Variants in TBC1D4 observed in about 807,000 individuals in gnomAD.
TBC1D4 encodes the protein TBC (Tre-2, BUB2, CDC16) domain-containing protein.
A neutral mutation model predicts 142.5 loss-of-function variants in TBC1D4; 121 were observed. The ratio of observed to expected loss-of-function variants is 0.85; its 90% confidence interval spans 0.73 to 0.99. The LOEUF is 0.99. Ranked by LOEUF, TBC1D4 falls within the 50% of genes least tolerant of loss-of-function variation. The probability of loss-of-function intolerance (pLI) is 0.00; values close to 1 mark genes in which losing one functional copy is unlikely to be tolerated. For missense variants in TBC1D4, 1,475 were observed against 1,606.6 expected, an observed-to-expected ratio of 0.92 and a Z score of 1.40; for synonymous variants, 630 against 628.2, an observed-to-expected ratio of 1.00 and a Z score of -0.04.
At chr13:75,452,551 A>G (rs1348043678) in intron 1 of TBC1D4, among the ~76,000 whole-genome samples, 1 of 152,228 alleles carries the variant, frequency 6.6e-6, no homozygotes, top group African/African-American at 2.4e-5. Flanking sequence ...TGTTTTATAG[A>G]AAATTTATTT....
chr13:75,362,116 G>A lies in TBC1D4; in HGVS notation c.990C>T (p.Ser330=). 1 of 1,613,908 alleles carries A rather than the reference G, an allele frequency of 6.2e-7. No homozygotes were observed. The highest frequency in any genetic ancestry group is 8.5e-7 in the Non-Finnish European group (1 of 1,180,020). ...GTCTCCGTCGCGGCTGGGATTTCTG[G>A]CTGCCCTCGTGAACTCTCCGTTGCA... The part of the protein sequence containing the change: ...TGVQRRVHEG[S]QKSQPRRRHA... Residue 330 remains serine (S), a synonymous_variant, in exon 2 of 21, where the codon AGC becomes AGT. Transcript: ENST00000377636. The surrounding 1 kb of genome is among the most constrained non-coding windows in gnomAD (Gnocchi z 4.2).
chr13:75,464,117 C>G (rs1337912751), intron 1 of TBC1D4, among the ~76,000 whole-genome samples: 1 of 152,218 alleles, frequency 6.6e-6, no homozygotes, highest in Non-Finnish European at 1.5e-5. Flanking sequence ...ATAATTATAA[C>G]AGTTCCAGTT....
intron 2 of TBC1D4, among the ~76,000 whole-genome samples, chr13:75,360,451 T>C (rs1360078608): frequency 7.1e-6 from 1 of 141,232 alleles, no homozygotes; most frequent in East Asian, 2.1e-4. Context: ...AAAGAAAAAA[T>C]ATGAACTTCC....
chr13:75,442,154 G>C (rs1338846052), intron 1 of TBC1D4, among the ~76,000 whole-genome samples: 1 of 152,140 alleles, frequency 6.6e-6, no homozygotes, highest in Non-Finnish European at 1.5e-5. Flanking sequence ...AAAGAAAAAT[G>C]TTACATCTCA....
rs978442834 is a variant in TBC1D4, at chr13:75,453,712, A to G, written c.498+27558T>C. ...CCCCGTCTCTACTAAAAATACAAAA[A>G]TTAGCCAGGGGTGGTGGCATGTGCC... On this transcript the variant is annotated intron_variant, in intron 1 of 20. Transcript: ENST00000377636. Among the ~76,000 whole-genome samples the G allele has an allele frequency of 2.6e-5, 4 of 152,212 alleles. No homozygotes were observed. The South Asian group carries it at 8.3e-4, about 32-fold the overall frequency.
At chr13:75,344,310 A>G (rs891724393) in intron 5 of TBC1D4, among the ~76,000 whole-genome samples, 1 of 152,248 alleles carries the variant, frequency 6.6e-6, no homozygotes, top group Admixed American at 6.5e-5. Flanking sequence ...AGAAAAATAA[A>G]GAAGGTAGTT....
intron 1 of TBC1D4, among the ~76,000 whole-genome samples, chr13:75,402,744 A>G (rs982073372): frequency 6.6e-6 from 1 of 151,942 alleles, no homozygotes; most frequent in African/African-American, 2.4e-5. Flanking sequence ...ATCATTTTGT[A>G]TAAATATTTT....
intron 1 of TBC1D4, 133 bp downstream of exon 1, chr13:75,481,137 C>T (rs1033848895): frequency 6.6e-6 from 9 of 1,357,008 alleles, no homozygotes; most frequent in Non-Finnish European, 8.8e-6. Context: ...GGCGCTTGAG[C>T]GCGCCACGTG....
At chr13:75,296,994 C>T (rs964758430) in intron 17 of TBC1D4, among the ~76,000 whole-genome samples, 19 of 152,078 alleles carry the variant, frequency 1.2e-4, no homozygotes, top group African/African-American at 4.6e-4. Flanking sequence ...CATTTAAGCA[C>T]ACTTCTAAAC....
chr13:75,404,344 T>A (rs1401679348), intron 1 of TBC1D4, among the ~76,000 whole-genome samples: 1 of 152,314 alleles, frequency 6.6e-6, no homozygotes, highest in South Asian at 2.1e-4. Flanking sequence ...ATTGTTAACA[T>A]CCCTCTTCAG....
intron 19 of TBC1D4, among the ~76,000 whole-genome samples, chr13:75,289,884 TGAGAA>T (rs1875099854): frequency 6.6e-6 from 1 of 152,178 alleles, no homozygotes; most frequent in South Asian, 2.1e-4. Flanking sequence ...ATACTAACAC[TGAGAA>T]GAGAAAAGAA....
At chr13:75,436,632 G>C (rs1485693065) in intron 1 of TBC1D4, among the ~76,000 whole-genome samples, 1 of 151,614 alleles carries the variant, frequency 6.6e-6, no homozygotes, top group East Asian at 1.9e-4. Flanking sequence ...ACTCCAGCCT[G>C]GGTGACAGAG....
intron 14 of TBC1D4, among the ~76,000 whole-genome samples, chr13:75,308,695 AC>A (rs1412517584): frequency 6.6e-6 from 1 of 152,202 alleles, no homozygotes; most frequent in Non-Finnish European, 1.5e-5. Flanking sequence ...TCAAAATATA[AC>A]TACTTGCTTA....
rs9543901 is a variant in TBC1D4 at position 75,315,399 on chromosome 13, C to T, written c.2223-2501G>A. On this transcript the variant is annotated intron_variant, in intron 12 of 20. Coordinates refer to ENST00000377636, the MANE Select transcript of TBC1D4 (RefSeq NM_014832.5). ...ACACACACACACACATATATATATA[C>T]ACACATATATATATATATACACACA... 3.1e-4 allele frequency among the ~76,000 whole-genome samples: 44 copies of T among 139,888 alleles called. 1 individual carries two copies. Among genetic ancestry groups the T allele is most frequent in the Admixed American group, 9.3e-4 (13 of 14,044 alleles). 91.8% of individuals were successfully genotyped at this position (139,888 alleles called of 152,430 possible). A position where few individuals can be genotyped will look rare whatever the true frequency, so the allele number is the denominator to read the frequency against.
At position 75,481,821 on chromosome 13, in the gene TBC1D4, C is replaced by T; in HGVS notation, c.-54G>A. ...GGCCGGCCGGGCGCACCGCGCCCCC[C>T]ACTCCCGCGCAGAAGGCGCCGCCGA... is the stretch of plus-strand genomic sequence containing the variant. On this transcript the variant is annotated 5_prime_UTR_variant, in exon 1 of 21. Transcript: ENST00000377636. The T allele has an allele frequency of 7.0e-7, 1 of 1,429,934 alleles. No individual in the cohort carries two copies. Among genetic ancestry groups the T allele is most frequent in the Non-Finnish European group, 9.1e-7 (1 of 1,101,160 alleles). 88.6% of individuals were successfully genotyped at this position (1,429,934 alleles called of 1,614,324 possible).
chr13:75,421,342 T>G (rs1252274750), intron 1 of TBC1D4, among the ~76,000 whole-genome samples: 1 of 152,052 alleles, frequency 6.6e-6, no homozygotes, highest in Non-Finnish European at 1.5e-5. Flanking sequence ...TCCCCCTAAC[T>G]CCCTAACTGC....
intron 1 of TBC1D4, among the ~76,000 whole-genome samples, chr13:75,479,413 T>C (rs1888744740): frequency 6.6e-6 from 1 of 152,140 alleles, no homozygotes; most frequent in African/African-American, 2.4e-5. Flanking sequence ...AGCCTAAACA[T>C]ATTAATATTT....
At chr13:75,377,740 ATG>A (rs1245362309) in intron 1 of TBC1D4, among the ~76,000 whole-genome samples, 4 of 149,942 alleles carry the variant, frequency 2.7e-5, no homozygotes, top group Non-Finnish European at 4.4e-5. Context: ...CTTTATCAGT[ATG>A]TGTGTGTGCA....
At chr13:75,314,315 C>T (rs574024251) in intron 12 of TBC1D4, among the ~76,000 whole-genome samples, 1 of 152,168 alleles carries the variant, frequency 6.6e-6, no homozygotes, top group Non-Finnish European at 1.5e-5. Flanking sequence ...AAGGTCAGTG[C>T]TGAGGTCAGA....
Sources: allele counts gnomAD v4.1 joint callset (sites outside exome capture counted in the v4.1 genomes callset), GRCh38; gene constraint gnomAD v4.1.1; non-coding constraint Gnocchi (gnomAD v3.1); transcripts MANE v1.5; gene names NCBI Gene and HGNC (gene_info 2026-07-23, HGNC 2026-07-21).